The following TTF1 variants were observed in gnomAD, a reference collection of about 807,000 sequenced individuals.
TTF1 encodes transcription termination factor 1.
Under a neutral mutation model 80.2 loss-of-function variants are expected in TTF1, and 64 were observed. The ratio of observed to expected loss-of-function variants is 0.80; its 90% CI spans 0.65 to 0.98. TTF1 has a LOEUF of 0.98. Ranked by LOEUF, TTF1 falls within the 50% of genes least tolerant of loss-of-function variation. TTF1 has a pLI of 0.00. For synonymous variants in TTF1, 372 were observed against 382.7 expected (o/e 0.97, Z 0.33); for missense variants, 1,023 against 1,086.2 (o/e 0.94, Z 0.82).
At chr9:132,396,792 C>T (rs1410735036) in intron 4 of TTF1, among the ~76,000 whole-genome samples, 7 of 151,932 alleles carry the variant, frequency 4.6e-5, no homozygotes, top group South Asian at 2.1e-4. Context: ...CTCAGCCTCC[C>T]GAGTAGCTGG....
chr9:132,383,012 C>A (rs1406885491), intron 9 of TTF1, among the ~76,000 whole-genome samples: 1 of 151,460 alleles, frequency 6.6e-6, no homozygotes, highest in Non-Finnish European at 1.5e-5. Context: ...TTGCAGGGAA[C>A]CGAGATCACG....
At chr9:132,386,095 A>G (rs1589818604) in intron 9 of TTF1, among the ~76,000 whole-genome samples, 1 of 152,024 alleles carries the variant, frequency 6.6e-6, no homozygotes, top group South Asian at 2.1e-4. Flanking sequence ...CTATAATATC[A>G]CCTCCAATGC....
rs190908618 is a variant in TTF1 at position 132,404,502 on chromosome 9, G to A, written c.-7-1674C>T. On this transcript the variant is annotated intron_variant, in intron 1 of 10. Coordinates refer to ENST00000334270, the MANE Select transcript of TTF1 (RefSeq NM_007344.4). Reference sequence around the variant, plus strand: ...CCCAACCCTCTCCTGCCTTCTCAGAGAGATGGTGGTCTCTCCGTATCTTCT... The same window carrying A: ...CCCAACCCTCTCCTGCCTTCTCAGAAAGATGGTGGTCTCTCCGTATCTTCT... Among the ~76,000 whole-genome samples, 16 of 152,118 alleles carry A rather than the reference G, an allele frequency of 1.1e-4. No homozygotes were observed. In the East Asian group the frequency reaches 2.7e-3, roughly 26 times the overall value.
chr9:132,396,593 A>G, intron 4 of TTF1, 82 bp from the exon 5 acceptor site: 3 of 1,072,628 alleles, frequency 2.8e-6, no homozygotes, highest in Admixed American at 3.5e-5. Context: ...CAGCCCTTAT[A>G]ACAACATGAA....
At chr9:132,390,961 A>C in intron 6 of TTF1, 130 bp from the exon 7 acceptor site, 3 of 788,518 alleles carry the variant, frequency 3.8e-6, no homozygotes, top group Non-Finnish European at 6.0e-6. Context: ...ACATAAAACA[A>C]ACACAATTAT....
At chr9:132,403,382 C>G (rs576766594) in intron 1 of TTF1, among the ~76,000 whole-genome samples, 52 of 152,284 alleles carry the variant, frequency 3.4e-4, no homozygotes, top group Admixed American at 1.4e-3. Flanking sequence ...CTGTCCCCCA[C>G]AGCCTCACCT....
At chr9:132,396,312 G>A (rs769562768) in intron 5 of TTF1, 121 bp downstream of exon 5, 2 of 987,614 alleles carry the variant, frequency 2.0e-6, no homozygotes, top group Non-Finnish European at 1.6e-6. Context: ...ACACCACCTG[G>A]TTTCACACAC....
At chr9:132,378,137 TGA>T (rs200885414) in intron 10 of TTF1, among the ~76,000 whole-genome samples, 2 of 118,014 alleles carry the variant, frequency 1.7e-5, no homozygotes, top group African/African-American at 6.3e-5. Context: ...GTGGTGTGTG[TGA>T]GTGCATGTGG....
chr9:132,392,886 C>T (rs896013191), intron 5 of TTF1, among the ~76,000 whole-genome samples: 3 of 152,110 alleles, frequency 2.0e-5, no homozygotes, highest in African/African-American at 7.2e-5. Flanking sequence ...TTAAAAATGC[C>T]TATCATTTCA....
chr9:132,400,054 A>G lies in TTF1; in HGVS notation c.1572T>C (p.Phe524=). ...GCTCACCTTGTGCTTTAAATTCCTT[A>G]AACCGTTCCAAGTCGTCCCGGTACA... ...KRMYRDDLER[F]KEFKAQGVAI... The change falls in exon 3 of 11, where the codon TTT becomes TTC. Residue 524 remains phenylalanine (F), a synonymous_variant. Transcript: ENST00000334270. 1.2e-6 allele frequency: 2 copies of G among 1,614,206 alleles called. No individual in the cohort carries two copies.
chr9:132,392,562 T>G (rs1849579438), intron 5 of TTF1, among the ~76,000 whole-genome samples: 1 of 150,750 alleles, frequency 6.6e-6, no homozygotes, highest in South Asian at 2.1e-4. Flanking sequence ...GGGGAGCGCC[T>G]CCCTGACCCC....
At position 132,379,060 on chromosome 9, in the gene TTF1, T is replaced by A. The variant is rs1345660361; in HGVS notation, c.2463A>T (p.Pro821=). Residue 821 remains proline, a splice_region_variant and synonymous_variant, in exon 10 of 11, where the codon CCA becomes CCT. Coordinates refer to ENST00000334270, the MANE Select transcript of TTF1 (RefSeq NM_007344.4). ...YVPFWQKKTF[P]EIIDYLYETT... is the part of the protein sequence containing the mutation. ...CATATAAATATTAAGAATACTAACC[T>A]GGAAAAGTCTTTTTCTGCCAAAATG... is the stretch of plus-strand genomic sequence containing the variant. 3 of 1,601,086 alleles carry A rather than the reference T, an allele frequency of 1.9e-6. No individual in the cohort carries two copies. The highest frequency in any genetic ancestry group is 2.6e-6 in the Non-Finnish European group (3 of 1,175,402).
At chr9:132,391,069 A>T (rs1849551144) in intron 6 of TTF1, among the ~76,000 whole-genome samples, 2 of 152,220 alleles carry the variant, frequency 1.3e-5, no homozygotes, top group South Asian at 4.1e-4. Flanking sequence ...GCAATGTTTT[A>T]TTTATTTATT....
chr9:132,385,779 C>CAGGCACTAAGTTT (rs11272258), intron 9 of TTF1, among the ~76,000 whole-genome samples: 1 of 152,170 alleles, frequency 6.6e-6, no homozygotes, highest in East Asian at 1.9e-4. Flanking sequence ...AGTTCCTACT[C>CAGGCACTAAGTTT]TGTGCCTGGT....
chr9:132,391,570 A>G (rs1849558588), intron 6 of TTF1, among the ~76,000 whole-genome samples: 1 of 152,232 alleles, frequency 6.6e-6, no homozygotes, highest in African/African-American at 2.4e-5. Flanking sequence ...AACTGGCTGC[A>G]AGGCACTAGC....
chr9:132,398,185 A>G lies in TTF1; in HGVS notation c.1733T>C (p.Val578Ala). ...GTATCTCCTTTTTAAGTTGGTGATC[A>G]CAGATTTTTCCTCAGGATATCTGTC... ...YTDRYPEEKS[V>A]ITNLKRRYSF... The change falls in exon 4 of 11, where the codon GTG (valine) becomes GCG (alanine). Residue 578 changes from valine to alanine, a missense_variant. By Grantham distance (64) the Val-to-Ala change is moderately conservative. Transcript: ENST00000334270. 6.3e-7 allele frequency: 1 copy of G among 1,590,264 alleles called. No homozygotes were observed. Among genetic ancestry groups the G allele is most frequent in the Non-Finnish European group, 8.5e-7 (1 of 1,173,114 alleles).
chr9:132,401,132 C>T (rs751912234), intron 2 of TTF1, among the ~76,000 whole-genome samples: 2 of 152,044 alleles, frequency 1.3e-5, no homozygotes, highest in Non-Finnish European at 2.9e-5. Context: ...GAGTTCGAGA[C>T]CAGCCTGACT....
At chr9:132,385,567 G>A (rs1311491642) in intron 9 of TTF1, among the ~76,000 whole-genome samples, 2 of 152,130 alleles carry the variant, frequency 1.3e-5, no homozygotes, top group African/African-American at 2.4e-5. Context: ...CAAGGTGTCC[G>A]CATTCACTAC....
At chr9:132,391,785 C>T (rs899954436) in intron 6 of TTF1, among the ~76,000 whole-genome samples, 7 of 152,226 alleles carry the variant, frequency 4.6e-5, no homozygotes, top group South Asian at 2.1e-4. Context: ...AGTGACCCTC[C>T]GCCCAGGCTC....
Sources: gnomAD v4.1 joint callset for allele counts (sites outside exome capture counted in the v4.1 genomes callset) on GRCh38, gnomAD v4.1.1 for gene constraint, MANE v1.5 for transcripts, NCBI Gene and HGNC (gene_info 2026-07-23, HGNC 2026-07-21) for gene names.